The following SHISA9 variants were observed in gnomAD, a reference collection of about 807,000 sequenced individuals.
SHISA9 encodes the protein protein shisa-9.
In SHISA9, 13 loss-of-function variants were observed where a neutral mutation model predicts 38.0. That is an observed-to-expected ratio of 0.34 (90% CI 0.22 to 0.54). The LOEUF (loss-of-function observed/expected upper bound fraction) is 0.54. Among genes scored for constraint, SHISA9 ranks in the 20% least tolerant of loss-of-function variants. The pLI is 0.91. For missense variants in SHISA9, 538 were observed against 575.8 expected, an observed-to-expected ratio of 0.93 and a Z score of 0.67; for synonymous variants, 275 against 242.0, an observed-to-expected ratio of 1.14 and a Z score of -1.27.
the SHISA9 span, among the ~76,000 whole-genome samples, chr16:13,412,255 A>G: frequency 6.6e-6 from 1 of 152,110 alleles, no homozygotes; most frequent in Non-Finnish European, 1.5e-5. Flanking sequence ...AGATGCTAAA[A>G]TATTTGAGCC....
At chr16:13,554,515 T>C in the SHISA9 span, among the ~76,000 whole-genome samples, 61 of 140,600 alleles carry the variant, frequency 4.3e-4, no homozygotes, top group African/African-American at 1.6e-3. Flanking sequence ...TTCTTCTCTT[T>C]CTTTTTTTTT....
intron 2 of SHISA9, among the ~76,000 whole-genome samples, chr16:13,157,818 C>T (rs1286356062): frequency 6.6e-6 from 1 of 152,182 alleles, no homozygotes; most frequent in East Asian, 1.9e-4. Context: ...CTCAGTCTCC[C>T]AGGAATTGTC....
chr16:12,935,585 C>T (rs1042786111), intron 2 of SHISA9, among the ~76,000 whole-genome samples: 12 of 152,220 alleles, frequency 7.9e-5, no homozygotes, highest in East Asian at 3.9e-4. Context: ...CAGGGGCTCA[C>T]GCTGGTAATC....
At chr16:13,291,442 G>T in the SHISA9 span, among the ~76,000 whole-genome samples, 1 of 152,160 alleles carries the variant, frequency 6.6e-6, no homozygotes, top group Non-Finnish European at 1.5e-5. Flanking sequence ...GAAATGTACA[G>T]TTACCCCACA....
At chr16:13,008,952 T>C (rs941043443) in intron 2 of SHISA9, among the ~76,000 whole-genome samples, 2 of 151,964 alleles carry the variant, frequency 1.3e-5, no homozygotes, top group African/African-American at 4.8e-5. Context: ...CAACATAAGA[T>C]AGCTTACAAA....
the SHISA9 span, among the ~76,000 whole-genome samples, chr16:13,531,786 G>A: frequency 6.6e-5 from 10 of 152,062 alleles, no homozygotes; most frequent in Non-Finnish European, 1.5e-4. Context: ...TGGGGGGCAG[G>A]GAATACTCAC....
the SHISA9 span, among the ~76,000 whole-genome samples, chr16:13,317,639 C>A: frequency 6.6e-6 from 1 of 152,150 alleles, no homozygotes; most frequent in Non-Finnish European, 1.5e-5. Flanking sequence ...TCAGTCCCTG[C>A]CTCTGTAGAA....
the SHISA9 span, among the ~76,000 whole-genome samples, chr16:13,549,455 AAAAC>A: frequency 2.6e-5 from 4 of 152,216 alleles, no homozygotes; most frequent in South Asian, 4.1e-4. Flanking sequence ...GTGTCAATTA[AAAAC>A]AAACAAAAAA....
chr16:13,513,293 CA>C, the SHISA9 span, among the ~76,000 whole-genome samples: 1 of 151,998 alleles, frequency 6.6e-6, no homozygotes, highest in Non-Finnish European at 1.5e-5. Context: ...AAATGCAAAT[CA>C]AAACCACAAG....
chr16:13,552,802 C>G, the SHISA9 span, among the ~76,000 whole-genome samples: 1 of 151,928 alleles, frequency 6.6e-6, no homozygotes, highest in Non-Finnish European at 1.5e-5. Flanking sequence ...GCTCTCTTCA[C>G]TTCTAATAAT....
At chr16:13,485,286 G>A in the SHISA9 span, among the ~76,000 whole-genome samples, 32 of 151,994 alleles carry the variant, frequency 2.1e-4, no homozygotes, top group South Asian at 4.2e-4. Context: ...GTGAGAACAT[G>A]CAGTGTTTGG....
chr16:13,414,059 T>C, the SHISA9 span, among the ~76,000 whole-genome samples: 2 of 152,176 alleles, frequency 1.3e-5, no homozygotes, highest in African/African-American at 4.8e-5. Context: ...TCTTGTTAAG[T>C]CCTTCTGATG....
the SHISA9 span, among the ~76,000 whole-genome samples, chr16:13,510,793 T>G: frequency 0.13 from 20,437 of 151,462 alleles, 1,711 homozygotes; most frequent in African/African-American, 0.24. Context: ...TTTTCTGGGT[T>G]TTTTTTTTGT....
At chr16:13,536,557 C>T in the SHISA9 span, among the ~76,000 whole-genome samples, 1 of 152,270 alleles carries the variant, frequency 6.6e-6, no homozygotes, top group South Asian at 2.1e-4. Flanking sequence ...GAACTGTGAA[C>T]ACACAAAGCA....
chr16:13,197,128 C>CACACACACACACAG (rs1567244004), intron 2 of SHISA9, among the ~76,000 whole-genome samples: 3 of 141,808 alleles, frequency 2.1e-5, no homozygotes, highest in African/African-American at 7.8e-5. Context: ...CACACACACA[C>CACACACACACACAG]ACACACACAT....
At chr16:13,266,645 A>T in the SHISA9 span, among the ~76,000 whole-genome samples, 2 of 152,176 alleles carry the variant, frequency 1.3e-5, no homozygotes, top group Non-Finnish European at 2.9e-5. Flanking sequence ...AAAAACACAC[A>T]ACTTTTAAGA....
chr16:13,555,930 C>T, the SHISA9 span, among the ~76,000 whole-genome samples: 1 of 152,210 alleles, frequency 6.6e-6, no homozygotes, highest in Non-Finnish European at 1.5e-5. Context: ...TCAGATCTTA[C>T]TCTATATGCT....
At chr16:13,031,382 A>G (rs2072989379) in intron 2 of SHISA9, among the ~76,000 whole-genome samples, 1 of 152,206 alleles carries the variant, frequency 6.6e-6, no homozygotes, top group Non-Finnish European at 1.5e-5. Flanking sequence ...GGGGTGGGTA[A>G]GTAGCAAATG....
chr16:13,549,009 C>T, the SHISA9 span, among the ~76,000 whole-genome samples: 1 of 152,174 alleles, frequency 6.6e-6, no homozygotes, highest in Non-Finnish European at 1.5e-5. Flanking sequence ...TACATTTAGG[C>T]AATAAAATAC....
Sources: allele counts gnomAD v4.1 joint callset (sites outside exome capture counted in the v4.1 genomes callset), GRCh38; gene constraint gnomAD v4.1.1; transcripts MANE v1.5; gene names NCBI Gene and HGNC (gene_info 2026-07-23, HGNC 2026-07-21).